The following CIB4 variants were observed in gnomAD, a reference collection of about 807,000 sequenced individuals.
CIB4 encodes the protein calcium and integrin binding family member 4, also known as calcium and integrin-binding family member 4.
Under a neutral mutation model 25.8 loss-of-function variants are expected in CIB4, and 25 were observed. The observed-to-expected ratio is 0.97, with a 90% CI of 0.71 to 1.35. CIB4 has a LOEUF of 1.35. Among genes scored for constraint, CIB4 ranks in the 40% most tolerant of loss-of-function variants. CIB4 has a pLI of 0.00. For synonymous variants in CIB4, 75 were observed against 81.4 expected (o/e 0.92, Z 0.42); for missense variants, 235 against 228.2 (o/e 1.03, Z -0.19).
At chr2:26,597,572 T>C (rs918766345) in intron 3 of CIB4, among the ~76,000 whole-genome samples, 38 of 152,194 alleles carry the variant, frequency 2.5e-4, no homozygotes, top group African/African-American at 8.9e-4. Context: ...AATAGCATAG[T>C]GTAAGGAAGA....
At chr2:26,601,201 C>T in intron 3 of CIB4, among the ~76,000 whole-genome samples, 1 of 122,162 alleles carries the variant, frequency 8.2e-6, no homozygotes, top group African/African-American at 3.4e-5. Flanking sequence ...GCCTGAGTGA[C>T]AGAGTGAGAC....
intron 2 of CIB4, among the ~76,000 whole-genome samples, chr2:26,634,853 GACCCC>G (rs938111935): frequency 3.0e-4 from 46 of 152,296 alleles, no homozygotes; most frequent in African/African-American, 1.1e-3. Flanking sequence ...TCCTAAACCA[GACCCC>G]ACCCCACCCA....
At chr2:26,582,438 G>C (rs190628235) in intron 6 of CIB4, among the ~76,000 whole-genome samples, 9 of 152,268 alleles carry the variant, frequency 5.9e-5, no homozygotes, top group Admixed American at 5.9e-4. Flanking sequence ...TTTTCTATGA[G>C]CTCCACCACC....
At chr2:26,639,001 A>G (rs909630245) in intron 2 of CIB4, among the ~76,000 whole-genome samples, 2 of 151,904 alleles carry the variant, frequency 1.3e-5, no homozygotes, top group African/African-American at 4.8e-5. Context: ...AACAGTATGA[A>G]GGGATAAATG....
chr2:26,624,421 AG>A (rs758863412), intron 3 of CIB4, among the ~76,000 whole-genome samples: 3 of 152,206 alleles, frequency 2.0e-5, no homozygotes, highest in Admixed American at 6.5e-5. Context: ...AGGAATCTTT[AG>A]TCCTCGCTCT....
chr2:26,605,067 T>C (rs921075010), intron 3 of CIB4, among the ~76,000 whole-genome samples: 2 of 152,140 alleles, frequency 1.3e-5, no homozygotes, highest in African/African-American at 2.4e-5. Context: ...ATTTAAAGCA[T>C]ACAGAAAATG....
In CIB4 at chr2:26,589,141, TCCTTCC is replaced by T. The variant is rs200649812; in HGVS notation, c.329-5249_329-5244del. ...CTTCTTCTTCTTCTTCTTCTTCTTCTCCTTCCCCTTCCCCTTCCCCTTCTCCTTCTC... is the reference window on the plus strand; with the variant it reads ...CTTCTTCTTCTTCTTCTTCTTCTTCTCCTTCCCCTTCCCCTTCTCCTTCTC... On this transcript the variant is annotated intron_variant, in intron 4 of 6. Transcript: ENST00000288861. Among the ~76,000 whole-genome samples the T allele has an allele frequency of 2.8e-3, 311 of 112,806 alleles. 9 individuals carry two copies. Among genetic ancestry groups the T allele is most frequent in the African/African-American group, 8.0e-3 (215 of 26,908 alleles). The allele number at this position is 112,806 out of a possible 152,430, so 74.0% of individuals were successfully genotyped here. A position where few individuals can be genotyped will look rare whatever the true frequency, so the allele number is the denominator to read the frequency against.
At position 26,583,815 on chromosome 2, in the gene CIB4, C is replaced by G; in HGVS notation, c.412G>C (p.Asp138His). 1 of 1,612,096 alleles carries G rather than the reference C, an allele frequency of 6.2e-7. No individual in the cohort carries two copies. The highest frequency in any genetic ancestry group is 8.5e-7 in the Non-Finnish European group (1 of 1,178,832). Residue 138 changes from aspartate (D) to histidine (H), a missense_variant, in exon 5 of 7, where the codon GAC becomes CAC. Asp to His is a moderately conservative substitution (Grantham distance 81). Coordinates refer to ENST00000288861, the MANE Select transcript of CIB4 (RefSeq NM_001029881.3). ...TGGTTCGTGAGGTCCATCAGGAGGTCCTCAGACATGTCATCACTGTTCAGC... is the reference window on the plus strand; with the variant it reads ...TGGTTCGTGAGGTCCATCAGGAGGTGCTCAGACATGTCATCACTGTTCAGC... ...RLLNSDDMSE[D>H]LLMDLTNHVL...
intron 4 of CIB4, among the ~76,000 whole-genome samples, chr2:26,592,883 T>A (rs370571694): frequency 6.6e-6 from 1 of 152,202 alleles, no homozygotes; most frequent in Non-Finnish European, 1.5e-5. Flanking sequence ...TTGGGCATGA[T>A]TATTGTGATG....
At chr2:26,585,970 C>T (rs920668182) in intron 4 of CIB4, among the ~76,000 whole-genome samples, 1 of 152,080 alleles carries the variant, frequency 6.6e-6, no homozygotes, top group African/African-American at 2.4e-5. Flanking sequence ...CCTGGAGTCA[C>T]CCTTACCTCT....
intron 3 of CIB4, 64 bp downstream of exon 3, chr2:26,629,346 C>T: frequency 3.0e-6 from 3 of 1,015,714 alleles, no homozygotes; most frequent in Non-Finnish European, 4.5e-6. Flanking sequence ...CCTCCCAGCA[C>T]CCATCAGCCC....
chr2:26,631,197 G>C (rs7563543), intron 2 of CIB4, among the ~76,000 whole-genome samples: 1 of 151,970 alleles, frequency 6.6e-6, no homozygotes, highest in Admixed American at 6.5e-5. Context: ...AGTGAAGACC[G>C]GGTGCGGCGG....
chr2:26,581,517 G>A, intron 6 of CIB4, 124 bp from the exon 7 acceptor site: 1 of 936,418 alleles, frequency 1.1e-6, no homozygotes, highest in Non-Finnish European at 1.7e-6. Context: ...TTCTCTGGGT[G>A]ACGGCCACTT....
At position 26,623,615 on chromosome 2, in the gene CIB4, C is replaced by T. The variant is rs191763429; in HGVS notation, c.186+5795G>A. 4.5e-5 allele frequency: 21 copies of T among 469,458 alleles called. No homozygotes were observed. The East Asian group carries it at 1.4e-3, about 31-fold the overall frequency. 29.1% of individuals were successfully genotyped at this position (469,458 alleles called of 1,614,324 possible). ...GGGCCATCCTGACCATACCTCCCTACACCTTGGGCAGGTTTCCAAACCTCT... is the reference window on the plus strand; with the variant it reads ...GGGCCATCCTGACCATACCTCCCTATACCTTGGGCAGGTTTCCAAACCTCT... On this transcript the variant is annotated intron_variant, in intron 3 of 6. Transcript: ENST00000288861.
chr2:26,601,217 C>CAAAAAAAAAAAAAAAA (rs142951418), intron 3 of CIB4, among the ~76,000 whole-genome samples: 11 of 23,686 alleles, frequency 4.6e-4, no homozygotes, highest in African/African-American at 1.8e-3. Flanking sequence ...GAGACCATGT[C>CAAAAAAAAAAAAAAAA]AAAAAAAAAA....
intron 2 of CIB4, among the ~76,000 whole-genome samples, chr2:26,639,114 C>T (rs564231227): frequency 2.6e-5 from 4 of 151,692 alleles, no homozygotes; most frequent in African/African-American, 9.7e-5. Context: ...TGAGCAGAGG[C>T]GGCCTTGAGG....
chr2:26,617,578 G>A (rs1318378183), intron 3 of CIB4, among the ~76,000 whole-genome samples: 1 of 152,178 alleles, frequency 6.6e-6, no homozygotes, highest in Non-Finnish European at 1.5e-5. Context: ...GAACATTTGG[G>A]GTTGGAGAGT....
At chr2:26,581,470 C>T (rs1305739483) in intron 6 of CIB4, 77 bp from the exon 7 acceptor site, 1 of 1,419,140 alleles carries the variant, frequency 7.0e-7, no homozygotes. Flanking sequence ...CACAGTAGTC[C>T]TGGAGGCTCC....
chr2:26,628,402 A>G (rs1669349421), intron 3 of CIB4, among the ~76,000 whole-genome samples: 1 of 152,056 alleles, frequency 6.6e-6, no homozygotes, highest in African/African-American at 2.4e-5. Flanking sequence ...TACCCATTTT[A>G]CAGGTGAGGA....
Sources: allele counts gnomAD v4.1 joint callset (sites outside exome capture counted in the v4.1 genomes callset), GRCh38; gene constraint gnomAD v4.1.1; transcripts MANE v1.5; gene names NCBI Gene and HGNC (gene_info 2026-07-23, HGNC 2026-07-21).